PTPRN2: variants seen among roughly 807,000 people sequenced by gnomAD.
The protein encoded by PTPRN2 is receptor-type tyrosine-protein phosphatase N2.
PTPRN2 carries 74 observed loss-of-function variants against 118.8 expected under a neutral mutation model. The ratio of observed to expected loss-of-function variants is 0.62; its 90% CI spans 0.52 to 0.76. PTPRN2 has a LOEUF of 0.76. PTPRN2 is among the 30% of genes least tolerant of loss of function. PTPRN2 has a pLI of 0.00. For synonymous variants in PTPRN2, 641 were observed against 608.0 expected, an observed-to-expected ratio of 1.05 and a Z score of -0.80; for missense variants, 1,481 against 1,394.4, an observed-to-expected ratio of 1.06 and a Z score of -0.99.
At chr7:158,203,621 T>C (rs988769363) in intron 4 of PTPRN2, among the ~76,000 whole-genome samples, 23 of 152,132 alleles carry the variant, frequency 1.5e-4, no homozygotes, top group African/African-American at 5.5e-4. Flanking sequence ...GGAGGAGCCA[T>C]CCCTTGCTTG....
At chr7:158,498,058 T>C (rs1822084532) in intron 1 of PTPRN2, among the ~76,000 whole-genome samples, 1 of 152,262 alleles carries the variant, frequency 6.6e-6, no homozygotes, top group African/African-American at 2.4e-5. Flanking sequence ...ACAACGGTGA[T>C]GTGTGTGCTC....
chr7:158,331,849 C>A (rs1804525344), intron 2 of PTPRN2, among the ~76,000 whole-genome samples: 1 of 109,160 alleles, frequency 9.2e-6, no homozygotes, highest in Admixed American at 8.5e-5. Context: ...ACACTAACAA[C>A]CAGATTCTCA....
rs116529345 is a variant in PTPRN2, at chr7:158,530,585, T to C, written c.113-40800A>G. On this transcript the variant is annotated intron_variant, in intron 1 of 22. Transcript: ENST00000389418. The stretch of plus-strand genomic sequence containing the variant: ...GGCAAGGTGAAGAGAAAGCCCACGA[T>C]GGAACCAGCTACAGCACACGTGTGA... Among the ~76,000 whole-genome samples the C allele has an allele frequency of 7.8e-3, 1,192 of 152,242 alleles. 15 individuals carry two copies. The highest frequency in any genetic ancestry group is 0.026 in the African/African-American group (1,085 of 41,546).
chr7:157,660,337 T>C (rs1795827545), intron 13 of PTPRN2, among the ~76,000 whole-genome samples: 1 of 152,034 alleles, frequency 6.6e-6, no homozygotes, highest in African/African-American at 2.4e-5. Flanking sequence ...TACAGTGAGG[T>C]CTGAGCTCTG....
chr7:157,597,811 C>T (rs1427025936), intron 16 of PTPRN2, among the ~76,000 whole-genome samples: 3 of 152,214 alleles, frequency 2.0e-5, no homozygotes, highest in Admixed American at 6.5e-5. Flanking sequence ...GCCCACCTGC[C>T]GTCCTGTGGG....
intron 12 of PTPRN2, among the ~76,000 whole-genome samples, chr7:157,704,727 G>C (rs1212839528): frequency 6.6e-6 from 1 of 152,246 alleles, no homozygotes; most frequent in Non-Finnish European, 1.5e-5. Context: ...AGCAGAATGA[G>C]GGGCATCTGT....
intron 6 of PTPRN2, among the ~76,000 whole-genome samples, chr7:158,147,633 C>T (rs1488270742): frequency 8.4e-6 from 1 of 119,650 alleles, no homozygotes; most frequent in African/African-American, 3.5e-5. Context: ...TGTCTTTCCC[C>T]CTCAATGACA....
chr7:158,134,877 G>A (rs1217026891), intron 8 of PTPRN2, among the ~76,000 whole-genome samples: 1 of 152,102 alleles, frequency 6.6e-6, no homozygotes, highest in Admixed American at 6.6e-5. Flanking sequence ...AGTTTACAGA[G>A]GTTAAATATC....
chr7:158,169,552 A>G (rs1255876336), intron 5 of PTPRN2, among the ~76,000 whole-genome samples: 1 of 151,528 alleles, frequency 6.6e-6, no homozygotes, highest in Non-Finnish European at 1.5e-5. Flanking sequence ...AAGTGCTGGG[A>G]TTACAGGCGT....
chr7:157,888,546 G>A (rs1199743102), intron 12 of PTPRN2, among the ~76,000 whole-genome samples: 55 of 137,124 alleles, frequency 4.0e-4, no homozygotes, highest in African/African-American at 1.5e-3. Flanking sequence ...CCCATCCTGC[G>A]CCCCCCCACC....
At chr7:158,571,353 C>T (rs547565468) in intron 1 of PTPRN2, among the ~76,000 whole-genome samples, 17 of 151,948 alleles carry the variant, frequency 1.1e-4, no homozygotes, top group Middle Eastern at 3.4e-3. Flanking sequence ...TAGTGGGCGC[C>T]TGTAATCCCA....
At chr7:157,730,704 T>TA (rs1329673021) in intron 12 of PTPRN2, among the ~76,000 whole-genome samples, 8 of 152,180 alleles carry the variant, frequency 5.3e-5, no homozygotes, top group East Asian at 3.9e-4. Flanking sequence ...GTGGGGTCTT[T>TA]AAAACAGTGC....
In PTPRN2 at chr7:158,003,446, G is replaced by T. The variant is rs1443086269; in HGVS notation, c.1723+77852C>A. Among the ~76,000 whole-genome samples, 1 of 151,958 alleles carries T rather than the reference G, an allele frequency of 6.6e-6. No homozygotes were observed. The highest frequency in any genetic ancestry group is 2.4e-5 in the African/African-American group (1 of 41,440). ...AAAAAAAAAAAAAATGAGGTCCTGA[G>T]GGGGCCCCAATCCAATAGGACCTGT... On this transcript the variant is annotated intron_variant, in intron 11 of 22. Transcript: ENST00000389418. This position sits in a 1 kb window ranked among gnomAD's most constrained non-coding sequence, Gnocchi z 5.0.
In PTPRN2 at chr7:157,541,054, C is replaced by T. The variant is rs141118099; in HGVS notation, c.2977-269G>A. Among the ~76,000 whole-genome samples the T allele has an allele frequency of 1.0e-2, 1,518 of 152,388 alleles. 16 individuals carry two copies. Among genetic ancestry groups the T allele is most frequent in the Middle Eastern group, 0.038 (11 of 292 alleles). On this transcript the variant is annotated intron_variant, in intron 22 of 22. Transcript: ENST00000389418. ...GCACTAGAAAAGCCTCATCTTTCCC[C>T]CTGCGGGGAGAAGCTGCCCACAGAA...
chr7:158,131,120 ACT>A lies in PTPRN2; in HGVS notation c.1556+2555_1556+2556del, dbSNP rs544383467. ...ACAGATACACATCTACCAAACACAC[ACT>A]CATACGCACATACACACATACACAC... is the stretch of plus-strand genomic sequence containing the variant. On this transcript the variant is annotated intron_variant, in intron 9 of 22. Coordinates refer to ENST00000389418, the MANE Select transcript of PTPRN2 (RefSeq NM_002847.5). Among the ~76,000 whole-genome samples, 685 of 140,814 alleles carry A rather than the reference ACT, an allele frequency of 4.9e-3. 10 individuals carry two copies. The highest frequency in any genetic ancestry group is 0.018 in the African/African-American group (655 of 35,910). 92.4% of individuals were successfully genotyped at this position (140,814 alleles called of 152,430 possible).
chr7:157,626,552 C>A (rs185687398), intron 14 of PTPRN2, among the ~76,000 whole-genome samples: 2 of 152,112 alleles, frequency 1.3e-5, no homozygotes, highest in South Asian at 2.1e-4. Context: ...ACCCACCCCC[C>A]ACATCAAACA....
At chr7:158,172,402 G>A (rs1823779721) in intron 5 of PTPRN2, among the ~76,000 whole-genome samples, 1 of 152,074 alleles carries the variant, frequency 6.6e-6, no homozygotes, top group Admixed American at 6.6e-5. Flanking sequence ...CACCATTAGT[G>A]TCACTGCCAC....
At chr7:157,747,424 T>A (rs796279296) in intron 12 of PTPRN2, among the ~76,000 whole-genome samples, 1 of 19,876 alleles carries the variant, frequency 5.0e-5, no homozygotes, top group African/African-American at 2.5e-4. Flanking sequence ...TCCCTGAGCT[T>A]TGGGCTGTCC....
chr7:158,540,392 C>G (rs1169666181), intron 1 of PTPRN2, among the ~76,000 whole-genome samples: 1 of 152,090 alleles, frequency 6.6e-6, no homozygotes, highest in Non-Finnish European at 1.5e-5. Flanking sequence ...GCTGCACAAG[C>G]TCAGCCCCCA....
Sources: allele counts gnomAD v4.1 joint callset (sites outside exome capture counted in the v4.1 genomes callset), GRCh38; gene constraint gnomAD v4.1.1; non-coding constraint Gnocchi (gnomAD v3.1); transcripts MANE v1.5; gene names NCBI Gene and HGNC (gene_info 2026-07-23, HGNC 2026-07-21).